TMCC1: variants seen among roughly 807,000 people sequenced by gnomAD.
TMCC1 encodes the protein transmembrane and coiled-coil domains protein 1.
TMCC1 carries 15 observed loss-of-function variants against 52.4 expected under a neutral mutation model. That is an observed-to-expected ratio of 0.29 (90% CI 0.19 to 0.44). TMCC1 has a LOEUF of 0.44. TMCC1 is among the 20% of genes least tolerant of loss of function. The probability of loss-of-function intolerance (pLI) is 1.00; values close to 1 mark genes in which losing one functional copy is unlikely to be tolerated. For synonymous variants in TMCC1, 279 were observed against 301.9 expected (o/e 0.92, Z 0.79); for missense variants, 503 against 806.0 (o/e 0.62, Z 4.55).
At chr3:129,752,571 CAGA>C (rs2052624871) in intron 4 of TMCC1, among the ~76,000 whole-genome samples, 2 of 151,992 alleles carry the variant, frequency 1.3e-5, no homozygotes, top group African/African-American at 4.8e-5. Flanking sequence ...GAGGCTGAGG[CAGA>C]AGAATCGCTT....
At chr3:129,755,098 T>C (rs967343713) in intron 4 of TMCC1, among the ~76,000 whole-genome samples, 1 of 151,944 alleles carries the variant, frequency 6.6e-6, no homozygotes, top group Non-Finnish European at 1.5e-5. Context: ...TACCTGACCT[T>C]GGGTTTGGCA....
At chr3:129,893,132 T>C (rs1160720424) in intron 1 of TMCC1, 1 of 152,280 alleles carries the variant, frequency 6.6e-6, no homozygotes, top group Non-Finnish European at 1.5e-5. Context: ...AACCGGCTCC[T>C]AAACAGTCCC....
chr3:129,798,524 CAAAAAAAAAAAA>C (rs796919072), intron 4 of TMCC1, among the ~76,000 whole-genome samples: 7 of 67,900 alleles, frequency 1.0e-4, no homozygotes, highest in Non-Finnish European at 1.9e-4. Flanking sequence ...TCTTCCTATC[CAAAAAAAAAAAA>C]AAAAAAAAAA....
chr3:129,671,286 C>A (rs6769406), intron 4 of TMCC1, 22 bp from the exon 5 acceptor site: 1 of 1,583,158 alleles, frequency 6.3e-7, no homozygotes, highest in Non-Finnish European at 8.6e-7. Context: ...ACAAGAGGTA[C>A]ATGTTAGAAG....
intron 4 of TMCC1, among the ~76,000 whole-genome samples, chr3:129,758,332 T>A (rs963050435): frequency 6.6e-6 from 1 of 152,182 alleles, no homozygotes; most frequent in African/African-American, 2.4e-5. Flanking sequence ...TCTAATGGAA[T>A]TCATGTTTAG....
At chr3:129,814,852 T>A (rs2058019524) in intron 4 of TMCC1, among the ~76,000 whole-genome samples, 1 of 152,156 alleles carries the variant, frequency 6.6e-6, no homozygotes. Context: ...GAAGCCGATG[T>A]AACAATTATA....
chr3:129,737,431 G>C (rs2051068523), intron 4 of TMCC1, among the ~76,000 whole-genome samples: 3 of 151,630 alleles, frequency 2.0e-5, no homozygotes, highest in Non-Finnish European at 4.4e-5. Context: ...AGTGAGCCGA[G>C]ATCACGCCGC....
At chr3:129,801,343 T>C (rs1210903599) in intron 4 of TMCC1, among the ~76,000 whole-genome samples, 2 of 152,158 alleles carry the variant, frequency 1.3e-5, no homozygotes, top group Non-Finnish European at 2.9e-5. Context: ...TCCTACATTA[T>C]TTTAACTGCC....
intron 6 of TMCC1, among the ~76,000 whole-genome samples, chr3:129,652,646 C>T (rs1360146638): frequency 6.6e-6 from 1 of 152,202 alleles, no homozygotes; most frequent in Non-Finnish European, 1.5e-5. Context: ...TTCTTTCCAA[C>T]CTGACTCAGG....
At chr3:129,747,846 A>T (rs1447137955) in intron 4 of TMCC1, among the ~76,000 whole-genome samples, 3 of 152,006 alleles carry the variant, frequency 2.0e-5, no homozygotes, top group Non-Finnish European at 2.9e-5. Context: ...ACCTGTCCGT[A>T]CTCACTCCTT....
chr3:129,859,556 G>A (rs2060289101), intron 2 of TMCC1, among the ~76,000 whole-genome samples: 1 of 151,958 alleles, frequency 6.6e-6, no homozygotes, highest in South Asian at 2.1e-4. Context: ...AGGATTGCTT[G>A]AGCCTGGCAA....
intron 4 of TMCC1, 105 bp downstream of exon 4, chr3:129,827,698 T>C (rs1171130388): frequency 7.3e-7 from 1 of 1,370,676 alleles, no homozygotes; most frequent in Admixed American, 2.3e-5. Context: ...ACCACAACTT[T>C]AAGGTATTTG....
intron 4 of TMCC1, among the ~76,000 whole-genome samples, chr3:129,692,772 G>A (rs553532300): frequency 1.2e-3 from 177 of 152,258 alleles, no homozygotes; most frequent in Non-Finnish European, 2.1e-3. Context: ...GTTTTTAAAG[G>A]AAAAGGAGCA....
intron 4 of TMCC1, among the ~76,000 whole-genome samples, chr3:129,674,119 C>G (rs1235167100): frequency 6.6e-6 from 1 of 152,202 alleles, no homozygotes; most frequent in African/African-American, 2.4e-5. Context: ...TAAGCACACT[C>G]AGCGATGTTT....
At chr3:129,659,589 G>A (rs1007929838) in intron 5 of TMCC1, among the ~76,000 whole-genome samples, 7 of 152,150 alleles carry the variant, frequency 4.6e-5, no homozygotes, top group Non-Finnish European at 8.8e-5. Context: ...ATGAATCAGA[G>A]AATACTTGCA....
chr3:129,761,297 C>T (rs2053570971), intron 4 of TMCC1, among the ~76,000 whole-genome samples: 1 of 145,608 alleles, frequency 6.9e-6, no homozygotes, highest in Admixed American at 7.1e-5. Flanking sequence ...CACTGCACTC[C>T]AGCCTGGGCG....
intron 4 of TMCC1, among the ~76,000 whole-genome samples, chr3:129,727,910 T>G (rs1017896333): frequency 1.3e-5 from 2 of 152,192 alleles, no homozygotes; most frequent in East Asian, 3.8e-4. Context: ...TCAGCTGCCA[T>G]GCTACAAAAA....
At chr3:129,843,532 T>A (rs916575163) in intron 2 of TMCC1, among the ~76,000 whole-genome samples, 1 of 151,912 alleles carries the variant, frequency 6.6e-6, no homozygotes, top group African/African-American at 2.4e-5. Context: ...ATATCAGGAA[T>A]GAAGGAGAAA....
chr3:129,670,151 GA>G (rs1233999421), intron 5 of TMCC1, among the ~76,000 whole-genome samples, 178 bp downstream of exon 5: 1 of 152,182 alleles, frequency 6.6e-6, no homozygotes, highest in Non-Finnish European at 1.5e-5. Context: ...AAACTGGCAC[GA>G]AAGACTGGAG....
Sources: gnomAD v4.1 joint callset for allele counts (sites outside exome capture counted in the v4.1 genomes callset) on GRCh38, gnomAD v4.1.1 for gene constraint, MANE v1.5 for transcripts, NCBI Gene and HGNC (gene_info 2026-07-23, HGNC 2026-07-21) for gene names.